JADE2: variants seen among roughly 807,000 people sequenced by gnomAD.
JADE2 encodes the protein jade family PHD finger 2, also known as E3 ubiquitin-protein ligase Jade-2.
In JADE2, 13 loss-of-function variants were observed where a neutral mutation model predicts 85.7. The observed-to-expected ratio is 0.15, with a 90% CI of 0.10 to 0.24. The LOEUF (loss-of-function observed/expected upper bound fraction) is 0.24. JADE2 is among the 10% of genes least tolerant of loss of function. JADE2 has a pLI of 1.00. For synonymous variants in JADE2, 440 were observed against 456.1 expected (o/e 0.96, Z 0.45); for missense variants, 846 against 1,115.9 (o/e 0.76, Z 3.45).
intron 4 of JADE2, among the ~76,000 whole-genome samples, chr5:134,556,494 A>G (rs1762931414): frequency 7.7e-6 from 1 of 130,510 alleles, no homozygotes; most frequent in Non-Finnish European, 1.7e-5. Flanking sequence ...CACACATACC[A>G]CATGCACACA....
In JADE2 at chr5:134,573,755, G is replaced by T. The variant is rs750621470; in HGVS notation, c.1545G>T (p.Leu515=). 6.2e-7 allele frequency: 1 copy of T among 1,605,276 alleles called. No individual in the cohort carries two copies. The highest frequency in any genetic ancestry group is 8.5e-7 in the Non-Finnish European group (1 of 1,171,898). ...AGATGAAACTTATTGAACAGGATCT[G>T]TGTCGAGGTAGGCGCCTTCCCCACC... The part of the protein sequence containing the change: ...HLQMKLIEQD[L]CRERSGRRAK... Residue 515 remains leucine, a synonymous_variant, in exon 10 of 12, where the codon CTG becomes CTT. Coordinates refer to ENST00000681547, the MANE Select transcript of JADE2 (RefSeq NM_001388185.1).
Position 134,579,585 on chromosome 5 carries a change from T to G in JADE2, c.*268T>G. ...CACCATCCCTGCCCTGCCCACGTGG[T>G]ATTGCTGGGCTCCTGGCTAGATGCA... On this transcript the variant is annotated 3_prime_UTR_variant, in exon 12 of 12. Transcript: ENST00000681547. The surrounding 1 kb of genome is among the most constrained non-coding windows in gnomAD (Gnocchi z 4.6). The G allele has an allele frequency of 2.3e-6, 1 of 427,598 alleles. No homozygotes were observed. The highest frequency in any genetic ancestry group is 4.2e-6 in the Non-Finnish European group (1 of 238,264). The allele number at this position is 427,598 out of a possible 1,614,324, so 26.5% of individuals were successfully genotyped here. A position where few individuals can be genotyped will look rare whatever the true frequency, so the allele number is the denominator to read the frequency against.
intron 2 of JADE2, chr5:134,536,722 G>T (rs1561727438): frequency 6.6e-6 from 1 of 152,446 alleles, no homozygotes; most frequent in Non-Finnish European, 1.5e-5. Flanking sequence ...GTGCTGCCAG[G>T]AAGATCTCAC....
chr5:134,526,887 C>A, intron 1 of JADE2: 1 of 554,798 alleles, frequency 1.8e-6, no homozygotes. Flanking sequence ...GTACCGGCGG[C>A]GGCCGGAGCG....
chr5:134,567,899 GCTAC>G (rs1763748484), intron 9 of JADE2, among the ~76,000 whole-genome samples: 1 of 152,182 alleles, frequency 6.6e-6, no homozygotes, highest in Non-Finnish European at 1.5e-5. Flanking sequence ...AGAGGGCAAG[GCTAC>G]CTACATTGCA....
At position 134,552,016 on chromosome 5, in the gene JADE2, G is replaced by A. The variant is rs1317605116; in HGVS notation, c.154-36G>A. ...CTGTGGGGCAGACTGCCCTGAGGCAGTCTGAAGTCACTCTTTCCCCTCTTG... is the reference window on the plus strand; with the variant it reads ...CTGTGGGGCAGACTGCCCTGAGGCAATCTGAAGTCACTCTTTCCCCTCTTG... On this transcript the variant is annotated intron_variant, in intron 3 of 11. Transcript: ENST00000681547. 5.6e-6 allele frequency: 9 copies of A among 1,612,548 alleles called. No individual in the cohort carries two copies. The East Asian group carries it at 1.3e-4, about 24-fold the overall frequency.
intron 5 of JADE2, 126 bp downstream of exon 5, chr5:134,560,116 T>C: frequency 1.9e-6 from 2 of 1,049,706 alleles, no homozygotes; most frequent in Non-Finnish European, 2.8e-6. Context: ...GTCTCCATAC[T>C]GCATTACTGA....
intron 7 of JADE2, 196 bp from the exon 8 acceptor site, chr5:134,564,298 G>C (rs1763503519): frequency 2.0e-6 from 1 of 507,568 alleles, no homozygotes; most frequent in Non-Finnish European, 3.6e-6. Flanking sequence ...ATCCAGTGGT[G>C]AGCTTGGGAG....
At chr5:134,557,217 TGA>T (rs780514991) in intron 4 of JADE2, among the ~76,000 whole-genome samples, 66 of 150,852 alleles carry the variant, frequency 4.4e-4, no homozygotes, top group Non-Finnish European at 7.4e-4. Flanking sequence ...ATGATGATGA[TGA>T]TGATTATTAT....
rs1258082667 is a variant in JADE2, at chr5:134,525,972, G to A, written c.-40G>A. 3.0e-6 allele frequency: 3 copies of A among 985,646 alleles called. No individual in the cohort carries two copies. Among genetic ancestry groups the A allele is most frequent in the Non-Finnish European group, 3.6e-6 (3 of 830,306 alleles). 61.1% of individuals were successfully genotyped at this position (985,646 alleles called of 1,614,324 possible). The stretch of plus-strand genomic sequence containing the variant: ...GCGCCGGTCCCTGCAGCGGCGCGTA[G>A]CCGAGGGCAGCGCCCGTCAGGGGGG... On this transcript the variant is annotated 5_prime_UTR_variant, in exon 1 of 12. The change abolishes the stop of an existing upstream ORF in the 5' untranslated region. Coordinates refer to ENST00000681547, the MANE Select transcript of JADE2 (RefSeq NM_001388185.1).
chr5:134,580,684 G>A lies in JADE2; in HGVS notation c.*1367G>A, dbSNP rs1270349967. ...AGTGAATCAGTCGAATCATTCTGTGGATGCCAAAGAATATTTTGACCATAA... is the reference window on the plus strand; with the variant it reads ...AGTGAATCAGTCGAATCATTCTGTGAATGCCAAAGAATATTTTGACCATAA... On this transcript the variant is annotated 3_prime_UTR_variant, in exon 12 of 12. Transcript: ENST00000681547. 2.6e-5 allele frequency: 4 copies of A among 152,392 alleles called. No individual in the cohort carries two copies. The highest frequency in any genetic ancestry group is 9.7e-5 in the African/African-American group (4 of 41,392). The allele number at this position is 152,392 out of a possible 1,614,324, so 9.4% of individuals were successfully genotyped here.
intron 3 of JADE2, among the ~76,000 whole-genome samples, chr5:134,539,437 G>A (rs549407099): frequency 1.3e-5 from 2 of 152,274 alleles, no homozygotes; most frequent in African/African-American, 2.4e-5. Flanking sequence ...GACCTCAGGT[G>A]ATCCACCTGC....
intron 8 of JADE2, 21 bp downstream of exon 8, chr5:134,564,631 C>T (rs778566596): frequency 6.8e-7 from 1 of 1,473,256 alleles, no homozygotes; most frequent in East Asian, 2.5e-5. Context: ...TACTTCACCT[C>T]CTGCTGCCAG....
At chr5:134,539,207 G>A (rs1487087992) in intron 3 of JADE2, among the ~76,000 whole-genome samples, 29 of 151,978 alleles carry the variant, frequency 1.9e-4, no homozygotes, top group South Asian at 6.2e-4. Context: ...GACTACAGGC[G>A]CCCGCCACCA....
rs1486572741 is a variant in JADE2 at position 134,562,201 on chromosome 5, C to T, written c.686C>T (p.Ala229Val). ...CDKCNVCVHQ[A>V]CYGILKVPTG... ...CATGACCACCCTGCTCTCTCCTAGGCATGCTACGGGATCCTCAAGGTGCCC... is the reference window on the plus strand; with the variant it reads ...CATGACCACCCTGCTCTCTCCTAGGTATGCTACGGGATCCTCAAGGTGCCC... The change falls in exon 7 of 12, where the codon GCA becomes GTA. Residue 229 changes from alanine to valine, a missense_variant and splice_region_variant. Ala to Val is a moderately conservative substitution (Grantham distance 64, BLOSUM62 0). Coordinates refer to ENST00000681547, the MANE Select transcript of JADE2 (RefSeq NM_001388185.1). This position sits in a 1 kb window ranked among gnomAD's most constrained non-coding sequence, Gnocchi z 4.6. 6.2e-7 allele frequency: 1 copy of T among 1,608,866 alleles called. No individual in the cohort carries two copies. Among genetic ancestry groups the T allele is most frequent in the East Asian group, 2.2e-5 (1 of 44,868 alleles).
At chr5:134,533,438 C>T (rs1761374378) in intron 1 of JADE2, 1 of 658,598 alleles carries the variant, frequency 1.5e-6, no homozygotes, top group Admixed American at 6.3e-5. Flanking sequence ...TATGTCTTTC[C>T]CAAGGTCCCT....
At position 134,579,303 on chromosome 5, in the gene JADE2, G is replaced by A. The variant is rs543187733; in HGVS notation, c.2491G>A (p.Val831Ile). The change falls in exon 12 of 12, where the codon GTA becomes ATA. Residue 831 changes from valine (V) to isoleucine (I), a missense_variant. By Grantham distance (29) the Val-to-Ile change is conservative. Transcript: ENST00000681547. This position sits in a 1 kb window ranked among gnomAD's most constrained non-coding sequence, Gnocchi z 4.6. ...AGAEEVVRMG[V>I]LAS is the part of the protein sequence containing the mutation. ...GGCAGAGGAGGTGGTCCGCATGGGC[G>A]TACTGGCCTCCTAACTCACCCCCTT... 7.9e-5 allele frequency: 127 copies of A among 1,603,614 alleles called. No individual in the cohort carries two copies. The East Asian group carries it at 1.1e-3, about 13-fold the overall frequency.
At chr5:134,567,091 T>C (rs1763689839) in intron 9 of JADE2, among the ~76,000 whole-genome samples, 1 of 151,464 alleles carries the variant, frequency 6.6e-6, no homozygotes, top group Admixed American at 6.6e-5. Flanking sequence ...CAGGGCAGGG[T>C]AGATGGGTAA....
At chr5:134,575,189 G>A (rs750886884) in intron 10 of JADE2, 2 of 152,298 alleles carry the variant, frequency 1.3e-5, no homozygotes, top group African/African-American at 2.4e-5. Flanking sequence ...GCAGGGCAGG[G>A]TATTTGGAGA....
Sources: allele counts gnomAD v4.1 joint callset (sites outside exome capture counted in the v4.1 genomes callset), GRCh38; gene constraint gnomAD v4.1.1; non-coding constraint Gnocchi (gnomAD v3.1); transcripts MANE v1.5; gene names NCBI Gene and HGNC (gene_info 2026-07-23, HGNC 2026-07-21).